Variants in ADAM22 observed in about 807,000 individuals in gnomAD.
The protein encoded by ADAM22 is disintegrin and metalloproteinase domain-containing protein 22.
A neutral mutation model predicts 144.6 loss-of-function variants in ADAM22; 65 were observed. The ratio of observed to expected loss-of-function variants is 0.45; its 90% confidence interval spans 0.37 to 0.55. The LOEUF (loss-of-function observed/expected upper bound fraction) is 0.55, where lower values mean the gene tolerates loss of function less well. Among genes scored for constraint, ADAM22 ranks in the 20% least tolerant of loss-of-function variants. The probability of loss-of-function intolerance (pLI) is 0.00; values close to 1 mark genes in which losing one functional copy is unlikely to be tolerated. For synonymous variants in ADAM22, 391 were observed against 412.6 expected, an observed-to-expected ratio of 0.95 and a Z score of 0.63; for missense variants, 974 against 1,184.9, an observed-to-expected ratio of 0.82 and a Z score of 2.61.
At chr7:88,140,744 G>A (rs980855201) in intron 14 of ADAM22, among the ~76,000 whole-genome samples, 2 of 152,174 alleles carry the variant, frequency 1.3e-5, no homozygotes, top group African/African-American at 4.8e-5. Context: ...GCTGAGGTGG[G>A]AGAATCACTT....
intron 2 of ADAM22, among the ~76,000 whole-genome samples, chr7:87,953,332 G>A (rs1347033696): frequency 4.0e-5 from 6 of 151,798 alleles, no homozygotes; most frequent in Non-Finnish European, 8.8e-5. Context: ...AGAGATTCTG[G>A]TATGTTGGGT....
chr7:88,016,781 G>A (rs1563031882), intron 3 of ADAM22, among the ~76,000 whole-genome samples: 1 of 152,130 alleles, frequency 6.6e-6, no homozygotes, highest in African/African-American at 2.4e-5. Flanking sequence ...ACTGAGAAAG[G>A]TAGTGGGAAG....
intron 20 of ADAM22, among the ~76,000 whole-genome samples, chr7:88,152,883 G>A (rs1441298693): frequency 6.6e-6 from 1 of 152,078 alleles, no homozygotes; most frequent in African/African-American, 2.4e-5. Flanking sequence ...GTTTCACCAT[G>A]TTGGCCAGGG....
In ADAM22 at chr7:87,935,067, C is replaced by T. The variant is rs766526663; in HGVS notation, c.127C>T (p.Arg43Cys). 8 of 1,614,032 alleles carry T rather than the reference C, an allele frequency of 5.0e-6. No individual in the cohort carries two copies. In the East Asian group the frequency reaches 1.3e-4, roughly 27 times the overall value. Reference sequence around the variant, plus strand: ...GGAGCTAGAGAAGAGGAAGGAAAACCGCTTCGTGGAGCGCCAGAGCATCGT... The same window carrying T: ...GGAGCTAGAGAAGAGGAAGGAAAACTGCTTCGTGGAGCGCCAGAGCATCGT... ...LMELEKRKENRFVERQSIVPL... is the reference protein window; with the variant it reads ...LMELEKRKENCFVERQSIVPL... Residue 43 changes from arginine (R) to cysteine (C), a missense_variant, in exon 2 of 32, where the codon CGC becomes TGC. By Grantham distance (180) the Arg-to-Cys change is radical. Around this residue, in one of 2 missense-constraint regions of ADAM22, gnomAD observed 240 missense variants for 234.3 expected, o/e 1.02. Coordinates refer to ENST00000413139, the MANE Select transcript of ADAM22 (RefSeq NM_001324418.2).
chr7:88,019,862 T>A (rs1042028823), intron 3 of ADAM22, among the ~76,000 whole-genome samples: 18 of 82,414 alleles, frequency 2.2e-4, no homozygotes, highest in African/African-American at 1.6e-3. Flanking sequence ...AAAATATGTG[T>A]GTGTGTGTGT....
intron 7 of ADAM22, among the ~76,000 whole-genome samples, chr7:88,117,693 A>ATTT (rs11290840): frequency 4.4e-5 from 6 of 134,936 alleles, no homozygotes; most frequent in African/African-American, 1.6e-4. Context: ...CCTTATTTTA[A>ATTT]TTTTTTTTTT....
At chr7:88,095,566 C>A (rs565831984) in intron 4 of ADAM22, among the ~76,000 whole-genome samples, 6 of 152,100 alleles carry the variant, frequency 3.9e-5, no homozygotes, top group African/African-American at 1.4e-4. Flanking sequence ...GTAAGCGCAT[C>A]CTCCACACAG....
intron 2 of ADAM22, among the ~76,000 whole-genome samples, chr7:87,960,977 G>A (rs543371637): frequency 6.6e-6 from 1 of 152,226 alleles, no homozygotes; most frequent in East Asian, 1.9e-4. Flanking sequence ...TTATGTTCTA[G>A]CACATAGACA....
chr7:88,104,286 G>A (rs1823774754), intron 4 of ADAM22, among the ~76,000 whole-genome samples: 1 of 152,106 alleles, frequency 6.6e-6, no homozygotes, highest in Admixed American at 6.6e-5. Context: ...TTTGTGAAGT[G>A]AAAAGGATAT....
chr7:88,093,780 C>T (rs1820557382), intron 4 of ADAM22, among the ~76,000 whole-genome samples: 2 of 152,186 alleles, frequency 1.3e-5, no homozygotes, highest in South Asian at 4.1e-4. Context: ...TTCAAGTGAT[C>T]TACCTGCCTC....
At chr7:88,159,359 C>T (rs1840914923) in intron 22 of ADAM22, among the ~76,000 whole-genome samples, 1 of 152,050 alleles carries the variant, frequency 6.6e-6, no homozygotes, top group Non-Finnish European at 1.5e-5. Flanking sequence ...CCTACTGAAA[C>T]TATTCAAAAA....
chr7:88,178,852 T>G, intron 26 of ADAM22, 83 bp from the exon 27 acceptor site: 1 of 820,144 alleles, frequency 1.2e-6, no homozygotes, highest in Non-Finnish European at 1.9e-6. Flanking sequence ...CTACCTCTCT[T>G]TTTTCCTGAA....
intron 8 of ADAM22, among the ~76,000 whole-genome samples, chr7:88,128,176 C>G (rs1227974950): frequency 6.6e-6 from 1 of 152,012 alleles, no homozygotes; most frequent in Non-Finnish European, 1.5e-5. Context: ...CAAAAGAATG[C>G]TCTTCATATG....
chr7:88,190,839 CT>C (rs1453920259), intron 30 of ADAM22, among the ~76,000 whole-genome samples: 2 of 151,892 alleles, frequency 1.3e-5, no homozygotes, highest in African/African-American at 4.8e-5. Context: ...AAAATAATCA[CT>C]TTTATGCTGT....
chr7:88,190,506 A>G (rs1271331977), intron 30 of ADAM22, among the ~76,000 whole-genome samples: 1 of 152,118 alleles, frequency 6.6e-6, no homozygotes, highest in Admixed American at 6.5e-5. Flanking sequence ...AATGCACTTC[A>G]GACTGGGTGA....
chr7:87,937,998 T>G (rs1183313923), intron 2 of ADAM22, among the ~76,000 whole-genome samples: 4 of 152,108 alleles, frequency 2.6e-5, no homozygotes, highest in Non-Finnish European at 5.9e-5. Context: ...TAGGACCAAA[T>G]CTGACAAAAT....
Position 88,143,665 on chromosome 7 carries a change from A to G in ADAM22, c.1320+540A>G, listed in dbSNP as rs76697268. Among the ~76,000 whole-genome samples the G allele has an allele frequency of 5.2e-3, 791 of 152,342 alleles. 11 individuals carry two copies. The highest frequency in any genetic ancestry group is 0.018 in the African/African-American group (748 of 41,592). On this transcript the variant is annotated intron_variant, in intron 15 of 31. Transcript: ENST00000413139. ...CTTGCAGCACATCCTCTGGTTACTG[A>G]CTAGAAAGAAGGTCTTCCTCCTGCA...
At chr7:88,177,089 G>A (rs925200000) in intron 26 of ADAM22, among the ~76,000 whole-genome samples, 1 of 152,162 alleles carries the variant, frequency 6.6e-6, no homozygotes, top group Non-Finnish European at 1.5e-5. Context: ...CTTGAATTTG[G>A]TGAGGCACAT....
chr7:88,144,223 C>G (rs1835662305), intron 15 of ADAM22, among the ~76,000 whole-genome samples: 1 of 152,048 alleles, frequency 6.6e-6, no homozygotes, highest in Admixed American at 6.6e-5. Context: ...GTGTATCCAT[C>G]TGTTTACTGG....
Sources: gnomAD v4.1 joint callset for allele counts (sites outside exome capture counted in the v4.1 genomes callset) on GRCh38, gnomAD v4.1.1 for gene constraint, gnomAD v4.1.1 regional missense constraint, MANE v1.5 for transcripts, NCBI Gene and HGNC (gene_info 2026-07-23, HGNC 2026-07-21) for gene names.